Variants in C1orf21 observed in about 807,000 individuals in gnomAD.
C1orf21 encodes chromosome 1 open reading frame 21.
C1orf21 carries 3 observed loss-of-function variants against 18.7 expected under a neutral mutation model. That is an observed-to-expected ratio of 0.16 (90% CI 0.07 to 0.42). The LOEUF (loss-of-function observed/expected upper bound fraction) is 0.42, where lower values mean the gene tolerates loss of function less well. C1orf21 is among the 10% of genes least tolerant of loss of function. The pLI is 0.99. For missense variants in C1orf21, 104 were observed against 143.6 expected, an observed-to-expected ratio of 0.72 and a Z score of 1.41; for synonymous variants, 41 against 46.4, an observed-to-expected ratio of 0.88 and a Z score of 0.47.
intron 1 of C1orf21, among the ~76,000 whole-genome samples, chr1:184,400,376 G>T (rs1656129624): frequency 6.6e-6 from 1 of 151,996 alleles, no homozygotes; most frequent in Admixed American, 6.6e-5. Flanking sequence ...GTACATATGT[G>T]TCCACTCAGA....
intron 3 of C1orf21, among the ~76,000 whole-genome samples, chr1:184,570,189 T>G (rs993121782): frequency 5.3e-5 from 8 of 152,194 alleles, no homozygotes; most frequent in Non-Finnish European, 8.8e-5. Context: ...ATTTTCGCTG[T>G]GTTTTTAAAT....
At chr1:184,617,906 T>G (rs1288379830) in intron 5 of C1orf21, among the ~76,000 whole-genome samples, 1 of 56,604 alleles carries the variant, frequency 1.8e-5, no homozygotes, top group Admixed American at 1.3e-4. Context: ...TTGTTGTTGT[T>G]TTTTTTTTTT....
At chr1:184,522,833 A>G (rs997089392) in intron 3 of C1orf21, among the ~76,000 whole-genome samples, 5 of 152,298 alleles carry the variant, frequency 3.3e-5, no homozygotes, top group Middle Eastern at 3.4e-3. Context: ...GACCACAGGC[A>G]TATACCACTA....
At chr1:184,433,628 A>G (rs933433120) in intron 1 of C1orf21, among the ~76,000 whole-genome samples, 1 of 152,196 alleles carries the variant, frequency 6.6e-6, no homozygotes, top group Non-Finnish European at 1.5e-5. Flanking sequence ...GTCACATTAT[A>G]AAATAGAAAA....
chr1:184,417,288 A>G (rs1228881583), intron 1 of C1orf21, among the ~76,000 whole-genome samples: 4 of 152,196 alleles, frequency 2.6e-5, no homozygotes. Context: ...AAAACGGTCA[A>G]AATTTAGAGC....
chr1:184,452,815 T>G (rs1239900707), intron 1 of C1orf21, among the ~76,000 whole-genome samples: 1 of 152,192 alleles, frequency 6.6e-6, no homozygotes, highest in Non-Finnish European at 1.5e-5. Context: ...TCTTGAGCTC[T>G]CTCTGTCTTT....
Position 184,626,121 on chromosome 1 carries a change from C to T in C1orf21, c.*6565C>T, listed in dbSNP as rs1660005869. The T allele has an allele frequency of 6.6e-6, 1 of 152,100 alleles. No homozygotes were observed. Among genetic ancestry groups the T allele is most frequent in the African/African-American group, 2.4e-5 (1 of 41,406 alleles). The allele number at this position is 152,100 out of a possible 1,614,324, so 9.4% of individuals were successfully genotyped here. ...TCATTGAACTCATTTATTTCTGGAG[C>T]CCCTGGTACACTCCAGGCACTGCGC... On this transcript the variant is annotated 3_prime_UTR_variant, in exon 6 of 6. Coordinates refer to ENST00000235307, the MANE Select transcript of C1orf21 (RefSeq NM_030806.4).
chr1:184,460,670 CTTCTTCTTCTTCTTCT>C (rs1657292567), intron 1 of C1orf21, among the ~76,000 whole-genome samples: 2 of 127,140 alleles, frequency 1.6e-5, no homozygotes, highest in Non-Finnish European at 3.4e-5. Flanking sequence ...TCTTCTTCTT[CTTCTTCTTCTTCTTCT>C]TTCTTCTTTC....
At chr1:184,552,068 C>A (rs1226798314) in intron 3 of C1orf21, among the ~76,000 whole-genome samples, 2 of 151,792 alleles carry the variant, frequency 1.3e-5, no homozygotes, top group African/African-American at 4.8e-5. Flanking sequence ...AAACTTTTTA[C>A]ATGAAATAGT....
At chr1:184,484,353 G>A (rs540577001) in intron 2 of C1orf21, among the ~76,000 whole-genome samples, 1 of 152,098 alleles carries the variant, frequency 6.6e-6, no homozygotes, top group Non-Finnish European at 1.5e-5. Context: ...CCGTTTTCTC[G>A]ACTTCATGTC....
At chr1:184,489,062 ACAAAACC>A (rs1657776075) in intron 2 of C1orf21, among the ~76,000 whole-genome samples, 1 of 152,212 alleles carries the variant, frequency 6.6e-6, no homozygotes, top group Non-Finnish European at 1.5e-5. Flanking sequence ...TCTTAATGCT[ACAAAACC>A]CAATACCAAA....
At chr1:184,550,457 C>T (rs1558000590) in intron 3 of C1orf21, among the ~76,000 whole-genome samples, 2 of 152,182 alleles carry the variant, frequency 1.3e-5, no homozygotes, top group Non-Finnish European at 2.9e-5. Context: ...GGAGTTACAG[C>T]AGTAGACCTG....
At chr1:184,469,165 G>A (rs1657453424) in intron 1 of C1orf21, among the ~76,000 whole-genome samples, 1 of 152,122 alleles carries the variant, frequency 6.6e-6, no homozygotes, top group Non-Finnish European at 1.5e-5. Flanking sequence ...CACGAGAATT[G>A]CTTGAACCCA....
At chr1:184,481,380 A>G (rs1266246516) in intron 2 of C1orf21, among the ~76,000 whole-genome samples, 1 of 152,098 alleles carries the variant, frequency 6.6e-6, no homozygotes, top group Non-Finnish European at 1.5e-5. Flanking sequence ...CAAGTGTGCA[A>G]GTGATACATA....
chr1:184,407,575 T>G (rs1439638719), intron 1 of C1orf21, among the ~76,000 whole-genome samples: 1 of 152,160 alleles, frequency 6.6e-6, no homozygotes, highest in Non-Finnish European at 1.5e-5. Flanking sequence ...TGAGTGCTCA[T>G]GAGTCCAGAA....
At chr1:184,490,362 TG>T (rs1438822146) in intron 2 of C1orf21, among the ~76,000 whole-genome samples, 1 of 151,784 alleles carries the variant, frequency 6.6e-6, no homozygotes, top group African/African-American at 2.4e-5. Flanking sequence ...TTCCAAGGAG[TG>T]GGGGAAGACT....
chr1:184,400,680 TTTGTTGTTGTTG>T (rs140624178), intron 1 of C1orf21, among the ~76,000 whole-genome samples: 4 of 151,760 alleles, frequency 2.6e-5, no homozygotes, highest in African/African-American at 9.7e-5. Context: ...TGGGGAATTT[TTTGTTGTTGTTG>T]TTGTTGTTGT....
chr1:184,528,554 C>A (rs1658411510), intron 3 of C1orf21, among the ~76,000 whole-genome samples: 1 of 152,194 alleles, frequency 6.6e-6, no homozygotes, highest in Non-Finnish European at 1.5e-5. Context: ...CAGCAATTCT[C>A]CTGTCTCAGC....
chr1:184,499,671 G>GA lies in C1orf21; in HGVS notation c.95-7904dup, dbSNP rs537036222. ...AATTACTTCTTGTGCTTTGTGGTAG[G>GA]AAAAAAAAAAAAACTGACTTGGTAG... On this transcript the variant is annotated intron_variant, in intron 2 of 5. Transcript: ENST00000235307. Among the ~76,000 whole-genome samples, 1,233 of 140,346 alleles carry GA rather than the reference G, an allele frequency of 8.8e-3. 17 individuals are homozygous for GA. Among genetic ancestry groups the GA allele is most frequent in the South Asian group, 0.038 (167 of 4,346 alleles). The allele number at this position is 140,346 out of a possible 152,430, so 92.1% of individuals were successfully genotyped here.
Sources: gnomAD v4.1 joint callset for allele counts (sites outside exome capture counted in the v4.1 genomes callset) on GRCh38, gnomAD v4.1.1 for gene constraint, MANE v1.5 for transcripts, NCBI Gene and HGNC (gene_info 2026-07-23, HGNC 2026-07-21) for gene names.